The following CCDC144A variants were observed in gnomAD, a reference collection of about 807,000 sequenced individuals.
The protein encoded by CCDC144A is coiled-coil domain containing 144A.
CCDC144A carries 41 observed loss-of-function variants against 143.8 expected under a neutral mutation model. That is an observed-to-expected ratio of 0.29 (90% CI 0.22 to 0.37). The LOEUF (loss-of-function observed/expected upper bound fraction) is 0.37. CCDC144A is among the 10% of genes least tolerant of loss of function. The pLI, the probability that CCDC144A is intolerant of heterozygous loss-of-function variation, is 1.00. For missense variants in CCDC144A, 637 were observed against 1,488.8 expected, an observed-to-expected ratio of 0.43 and a Z score of 9.41; for synonymous variants, 242 against 517.9, an observed-to-expected ratio of 0.47 and a Z score of 7.23.
chr17:16,742,713 C>T (rs1211760586), intron 12 of CCDC144A, among the ~76,000 whole-genome samples: 1 of 152,036 alleles, frequency 6.6e-6, no homozygotes, highest in East Asian at 1.9e-4. Context: ...GGATTTTTTA[C>T]TTCTGGTTTC....
In CCDC144A at chr17:16,690,333, C is replaced by T. The variant is rs1275311771; in HGVS notation, c.-68C>T. ...TGGCATTTCTGGCTTGGCGGTCCTC[C>T]TTTCGCAGATTGGAAACCGCGGGCT... On this transcript the variant is annotated 5_prime_UTR_variant, in exon 1 of 17. Transcript: ENST00000399273. 1.5e-6 allele frequency: 2 copies of T among 1,294,160 alleles called. No individual in the cohort carries two copies. The highest frequency in any genetic ancestry group is 1.0e-6 in the Non-Finnish European group (1 of 958,236). The allele number at this position is 1,294,160 out of a possible 1,614,324, so 80.2% of individuals were successfully genotyped here. A position where few individuals can be genotyped will look rare whatever the true frequency, so the allele number is the denominator to read the frequency against.
intron 2 of CCDC144A, 58 bp from the exon 3 acceptor site, chr17:16,705,093 T>G: frequency 1.1e-6 from 1 of 896,276 alleles, no homozygotes; most frequent in South Asian, 1.4e-5. Context: ...TACAAGTTAG[T>G]CAAATTATTG....
chr17:16,724,214 T>C (rs936868968), intron 8 of CCDC144A, among the ~76,000 whole-genome samples: 1 of 152,194 alleles, frequency 6.6e-6, no homozygotes, highest in South Asian at 2.1e-4. Flanking sequence ...TTTGTATGAC[T>C]TAAATCTTTC....
chr17:16,701,986 A>G (rs1359298856), intron 2 of CCDC144A, among the ~76,000 whole-genome samples: 1 of 152,006 alleles, frequency 6.6e-6, no homozygotes. Context: ...ACTACAGGTG[A>G]ATAAATATGT....
chr17:16,746,677 G>C, intron 12 of CCDC144A: 1 of 1,612,098 alleles, frequency 6.2e-7, no homozygotes, highest in South Asian at 1.1e-5. Context: ...CGAAGAACTC[G>C]AAGTAGTCGT....
At chr17:16,712,079 G>A (rs2621603) in intron 6 of CCDC144A, 3 of 433,634 alleles carry the variant, frequency 6.9e-6, no homozygotes, top group East Asian at 1.0e-4. Context: ...GTGGTGAGCT[G>A]TGATCATGCC....
chr17:16,683,360 C>T, the CCDC144A span: 2 of 619,060 alleles, frequency 3.2e-6, no homozygotes, highest in Non-Finnish European at 2.8e-6. Context: ...GAAAACTTGT[C>T]ACAGTTTAGG....
At chr17:16,667,311 GGGCTGAGGAGGCTGAGGAGGCTGAGGC>G in the CCDC144A span, among the ~76,000 whole-genome samples, 14 of 127,874 alleles carry the variant, frequency 1.1e-4, no homozygotes, top group African/African-American at 3.2e-4. Flanking sequence ...GGCGGCTGAG[GGGCTGAGGAGGCTGAGGAGGCTGAGGC>G]GGCTGAGGAG....
At chr17:16,685,069 T>C (rs1910732945), upstream of CCDC144A, among the ~76,000 whole-genome samples, 1 of 152,242 alleles carries the variant, frequency 6.6e-6, no homozygotes, top group Admixed American at 6.5e-5. Context: ...AGACAGGTCT[T>C]ACTCTGTCAC....
At chr17:16,754,192 TGA>T (rs1914961256) in intron 12 of CCDC144A, among the ~76,000 whole-genome samples, 1 of 152,248 alleles carries the variant, frequency 6.6e-6, no homozygotes, top group South Asian at 2.1e-4. Context: ...TTTATTTACT[TGA>T]GTTTTCTCTT....
intron 2 of CCDC144A, among the ~76,000 whole-genome samples, chr17:16,702,201 T>C (rs927482329): frequency 1.3e-5 from 2 of 152,168 alleles, no homozygotes; most frequent in African/African-American, 4.8e-5. Flanking sequence ...GTTCTGTTCA[T>C]ATATATTTTT....
intron 2 of CCDC144A, among the ~76,000 whole-genome samples, chr17:16,703,627 A>G (rs1420437719): frequency 6.6e-6 from 1 of 152,048 alleles, no homozygotes; most frequent in African/African-American, 2.4e-5. Flanking sequence ...ACACGGTGAA[A>G]CCCCGTCTCT....
At chr17:16,717,127 T>G (rs1032848224) in intron 6 of CCDC144A, among the ~76,000 whole-genome samples, 4 of 140,308 alleles carry the variant, frequency 2.9e-5, no homozygotes, top group African/African-American at 1.1e-4. Flanking sequence ...TTTCTTTTCT[T>G]TTTTCTTTGT....
intron 4 of CCDC144A, chr17:16,708,568 G>A: frequency 1.8e-6 from 1 of 553,664 alleles, no homozygotes; most frequent in Non-Finnish European, 3.2e-6. Context: ...CCTCCTTTCA[G>A]CTAAGACAAT....
intron 16 of CCDC144A, among the ~76,000 whole-genome samples, chr17:16,773,216 A>C (rs993110754): frequency 1.3e-5 from 2 of 151,942 alleles, no homozygotes; most frequent in African/African-American, 4.8e-5. Context: ...TGGGAGCCTG[A>C]GGCAGGCAGA....
chr17:16,742,978 T>C (rs1373441908), intron 12 of CCDC144A, among the ~76,000 whole-genome samples: 1 of 152,142 alleles, frequency 6.6e-6, no homozygotes, highest in Non-Finnish European at 1.5e-5. Context: ...CTTTCTCAGA[T>C]GAATAGATTT....
intron 12 of CCDC144A, chr17:16,746,150 C>A: frequency 6.4e-7 from 1 of 1,559,386 alleles, no homozygotes; most frequent in East Asian, 2.3e-5. Flanking sequence ...CAGTATCAAT[C>A]TCCTCTCCTC....
chr17:16,740,257 CTT>C, intron 12 of CCDC144A, among the ~76,000 whole-genome samples: 1 of 152,284 alleles, frequency 6.6e-6, no homozygotes, highest in East Asian at 1.9e-4. Context: ...ACCTGGTTCT[CTT>C]GTACACTCCC....
At chr17:16,753,532 A>T (rs1192435142) in intron 12 of CCDC144A, among the ~76,000 whole-genome samples, 2 of 141,298 alleles carry the variant, frequency 1.4e-5, no homozygotes, top group East Asian at 4.5e-4. Flanking sequence ...GAATAGTGGG[A>T]CGGCCTTCTT....
Sources: gnomAD v4.1 joint callset for allele counts (sites outside exome capture counted in the v4.1 genomes callset) on GRCh38, gnomAD v4.1.1 for gene constraint, MANE v1.5 for transcripts, NCBI Gene and HGNC (gene_info 2026-07-23, HGNC 2026-07-21) for gene names.